Variants in ATAD1 observed in about 807,000 individuals in gnomAD.
ATAD1 encodes outer mitochondrial transmembrane helix translocase.
Under a neutral mutation model 42.7 loss-of-function variants are expected in ATAD1, and 18 were observed. The ratio of observed to expected loss-of-function variants is 0.42; its 90% CI spans 0.29 to 0.63. The LOEUF is 0.63. Among genes scored for constraint, ATAD1 ranks in the 20% least tolerant of loss-of-function variants. The probability of loss-of-function intolerance (pLI) is 0.19; values close to 1 mark genes in which losing one functional copy is unlikely to be tolerated. For synonymous variants in ATAD1, 132 were observed against 143.1 expected, an observed-to-expected ratio of 0.92 and a Z score of 0.55; for missense variants, 294 against 440.4, an observed-to-expected ratio of 0.67 and a Z score of 2.98.
intron 2 of ATAD1, among the ~76,000 whole-genome samples, chr10:87,812,401 C>G (rs1035093188): frequency 2.6e-5 from 4 of 151,990 alleles, no homozygotes; most frequent in Non-Finnish European, 4.4e-5. Context: ...TCCCGAGTAG[C>G]TGGGTGTGCA....
intron 7 of ATAD1, 55 bp from the exon 8 acceptor site, chr10:87,767,778 A>G (rs1854832529): frequency 6.0e-6 from 9 of 1,493,766 alleles, no homozygotes; most frequent in East Asian, 2.3e-5. Flanking sequence ...TTTTAAAAAG[A>G]TCAAGTAGTG....
intron 2 of ATAD1, among the ~76,000 whole-genome samples, chr10:87,807,604 A>G (rs149610905): frequency 7.6e-4 from 115 of 152,160 alleles, no homozygotes; most frequent in African/African-American, 2.6e-3. Flanking sequence ...TAATGTGTCT[A>G]TTTAAGTTTC....
chr10:87,776,220 T>C (rs146037801), intron 6 of ATAD1, 101 bp downstream of exon 6: 4 of 808,918 alleles, frequency 4.9e-6, no homozygotes, highest in East Asian at 2.5e-5. Context: ...TAAATAATTA[T>C]GAAAAAAAAG....
chr10:87,775,343 C>T (rs1469482609), intron 6 of ATAD1, among the ~76,000 whole-genome samples: 1 of 149,834 alleles, frequency 6.7e-6, no homozygotes, highest in Non-Finnish European at 1.5e-5. Context: ...ATCGCTTGAA[C>T]CCGGAAGGCG....
intron 2 of ATAD1, among the ~76,000 whole-genome samples, chr10:87,804,805 CAT>C (rs1422955417): frequency 6.6e-6 from 1 of 152,138 alleles, no homozygotes; most frequent in Non-Finnish European, 1.5e-5. Context: ...TCATCAAAAA[CAT>C]AGCTTATCAA....
At chr10:87,800,817 A>C (rs997410065) in intron 2 of ATAD1, among the ~76,000 whole-genome samples, 1 of 152,192 alleles carries the variant, frequency 6.6e-6, no homozygotes, top group African/African-American at 2.4e-5. Flanking sequence ...TTTCTAAAAC[A>C]CAAGGCCAGA....
At chr10:87,830,260 T>G (rs1857804785) in intron 1 of ATAD1, among the ~76,000 whole-genome samples, 2 of 152,246 alleles carry the variant, frequency 1.3e-5, no homozygotes, top group Admixed American at 1.3e-4. Context: ...ATCCTATCTT[T>G]CACACCAATC....
At chr10:87,824,311 T>G (rs557169533) in intron 1 of ATAD1, among the ~76,000 whole-genome samples, 1 of 152,288 alleles carries the variant, frequency 6.6e-6, no homozygotes, top group Admixed American at 6.5e-5. Context: ...ATTATATGAT[T>G]GCCCTATCCT....
intron 5 of ATAD1, among the ~76,000 whole-genome samples, chr10:87,784,224 T>C (rs748753295): frequency 6.6e-6 from 1 of 152,120 alleles, no homozygotes; most frequent in Non-Finnish European, 1.5e-5. Flanking sequence ...TGAGAAAACA[T>C]GTACATGGAT....
chr10:87,760,425 CCATGAT>C (rs1251784342), intron 8 of ATAD1, among the ~76,000 whole-genome samples: 1 of 152,184 alleles, frequency 6.6e-6, no homozygotes, highest in Non-Finnish European at 1.5e-5. Context: ...TCGCCTTTGA[CCATGAT>C]TGTTAAGTTT....
chr10:87,834,035 A>G (rs1204366698), intron 1 of ATAD1, among the ~76,000 whole-genome samples: 1 of 152,176 alleles, frequency 6.6e-6, no homozygotes, highest in Non-Finnish European at 1.5e-5. Flanking sequence ...CTTTTTCTGT[A>G]TCAAGTGGTA....
intron 1 of ATAD1, among the ~76,000 whole-genome samples, chr10:87,827,961 G>A (rs139154980): frequency 7.9e-5 from 12 of 152,102 alleles, no homozygotes; most frequent in African/African-American, 2.7e-4. Context: ...TTGGTTGTTC[G>A]TTTATTGGTT....
At chr10:87,776,829 G>A (rs755499686) in intron 5 of ATAD1, among the ~76,000 whole-genome samples, 1 of 151,892 alleles carries the variant, frequency 6.6e-6, no homozygotes, top group African/African-American at 2.4e-5. Context: ...ATGATAAAAC[G>A]TTTTAGATGA....
At chr10:87,786,638 G>GTGTGT (rs1855847470) in intron 4 of ATAD1, among the ~76,000 whole-genome samples, 1 of 152,210 alleles carries the variant, frequency 6.6e-6, no homozygotes, top group African/African-American at 2.4e-5. Context: ...AGTTACATAA[G>GTGTGT]TGTGTTAGCC....
At chr10:87,774,358 A>G (rs1169461898) in intron 6 of ATAD1, among the ~76,000 whole-genome samples, 2 of 152,172 alleles carry the variant, frequency 1.3e-5, no homozygotes, top group African/African-American at 4.8e-5. Context: ...TATTCCCTCT[A>G]TACAGATACA....
In ATAD1 at chr10:87,811,880, G is replaced by A. The variant is rs549427436; in HGVS notation, c.162+2558C>T. 2.0e-5 allele frequency among the ~76,000 whole-genome samples: 3 copies of A among 152,238 alleles called. No homozygotes were observed. The South Asian group carries it at 6.2e-4, about 32-fold the overall frequency. On this transcript the variant is annotated intron_variant, in intron 2 of 9. Transcript: ENST00000680024. The stretch of plus-strand genomic sequence containing the variant: ...CAAACCCAACATGGCCAGATCAAAT[G>A]TCATCTTCTCATAAATTTGCCCTAC...
intron 4 of ATAD1, among the ~76,000 whole-genome samples, chr10:87,789,922 C>CT (rs1856015082): frequency 6.6e-6 from 1 of 151,524 alleles, no homozygotes; most frequent in Non-Finnish European, 1.5e-5. Flanking sequence ...GAAAAAGAAT[C>CT]ATTACATTCT....
chr10:87,781,393 T>C (rs1417078495), intron 5 of ATAD1, among the ~76,000 whole-genome samples: 12 of 152,108 alleles, frequency 7.9e-5, no homozygotes, highest in Non-Finnish European at 1.8e-4. Context: ...AACCCAATAG[T>C]TGAAAGATTA....
intron 1 of ATAD1, among the ~76,000 whole-genome samples, chr10:87,824,371 G>T (rs1416633486): frequency 6.6e-6 from 1 of 152,096 alleles, no homozygotes; most frequent in Non-Finnish European, 1.5e-5. Context: ...GTATCTATAG[G>T]GTATAAGAAC....
Sources: allele counts gnomAD v4.1 joint callset (sites outside exome capture counted in the v4.1 genomes callset), GRCh38; gene constraint gnomAD v4.1.1; transcripts MANE v1.5; gene names NCBI Gene and HGNC (gene_info 2026-07-23, HGNC 2026-07-21).